The following MPZL3 variants were observed in gnomAD, a reference collection of about 807,000 sequenced individuals.
The protein encoded by MPZL3 is myelin protein zero like 3.
MPZL3 carries 23 observed loss-of-function variants against 24.8 expected under a neutral mutation model. That is an observed-to-expected ratio of 0.93 (90% CI 0.67 to 1.31). The LOEUF is 1.31. MPZL3 is among the 40% of genes most tolerant of loss of function. MPZL3 has a pLI of 0.00. For synonymous variants in MPZL3, 99 were observed against 106.5 expected (o/e 0.93, Z 0.44); for missense variants, 277 against 294.9 (o/e 0.94, Z 0.44).
At position 118,229,417 on chromosome 11, in the gene MPZL3, A is replaced by C. The variant is rs1208779969; in HGVS notation, c.*477T>G. The C allele has an allele frequency of 6.3e-6, 1 of 157,946 alleles. No homozygotes were observed. The highest frequency in any genetic ancestry group is 1.9e-4 in the East Asian group (1 of 5,346). The allele number at this position is 157,946 out of a possible 1,614,324, so 9.8% of individuals were successfully genotyped here. On this transcript the variant is annotated 3_prime_UTR_variant, in exon 6 of 6. Transcript: ENST00000278949. Reference sequence around the variant, plus strand: ...CGCCCTATACTAACTCACAGCTGAAAGTGTACATGGAGCAAAAAACAAAGA... The same window carrying C: ...CGCCCTATACTAACTCACAGCTGAACGTGTACATGGAGCAAAAAACAAAGA...
chr11:118,245,332 A>G (rs886187460), intron 1 of MPZL3, among the ~76,000 whole-genome samples: 1 of 152,228 alleles, frequency 6.6e-6, no homozygotes, highest in Non-Finnish European at 1.5e-5. Context: ...ATAGAGCAAG[A>G]CTTCATCTCT....
At chr11:118,241,701 C>T (rs747261099) in intron 1 of MPZL3, among the ~76,000 whole-genome samples, 2 of 152,206 alleles carry the variant, frequency 1.3e-5, no homozygotes, top group Non-Finnish European at 2.9e-5. Context: ...AGTTATGAGT[C>T]ATCAGTTCCA....
At chr11:118,242,595 C>T (rs2134710141) in intron 1 of MPZL3, among the ~76,000 whole-genome samples, 1 of 152,268 alleles carries the variant, frequency 6.6e-6, no homozygotes, top group Non-Finnish European at 1.5e-5. Context: ...CCTTTCATGC[C>T]ACTGAGCCTT....
intron 1 of MPZL3, among the ~76,000 whole-genome samples, chr11:118,251,118 T>TGTGTGTGTGTGA (rs1491135921): frequency 5.4e-5 from 7 of 129,710 alleles, no homozygotes; most frequent in African/African-American, 2.0e-4. Flanking sequence ...TGTGTGTGTG[T>TGTGTGTGTGTGA]GAAAGAGAGA....
At chr11:118,250,511 T>C (rs777803307) in intron 1 of MPZL3, among the ~76,000 whole-genome samples, 3 of 152,226 alleles carry the variant, frequency 2.0e-5, no homozygotes, top group Non-Finnish European at 2.9e-5. Flanking sequence ...CATTCAATTA[T>C]GCCCTTTAAG....
rs547001859 is a variant in MPZL3, at chr11:118,252,354, A to G, written c.-60T>C. 16 of 1,548,264 alleles carry G rather than the reference A, an allele frequency of 1.0e-5. No individual in the cohort carries two copies. In the Admixed American group the frequency reaches 1.7e-4, roughly 16 times the overall value. On this transcript the variant is annotated 5_prime_UTR_variant, in exon 1 of 6. Transcript: ENST00000278949. ...TACAGCTCCCGGTAACGACACAGGTAACACCGGAAGTGACGTCAGAGCAGG... is the reference window on the plus strand; with the variant it reads ...TACAGCTCCCGGTAACGACACAGGTGACACCGGAAGTGACGTCAGAGCAGG...
intron 1 of MPZL3, among the ~76,000 whole-genome samples, chr11:118,243,543 G>C (rs2853032): frequency 0.78 from 118,622 of 152,156 alleles, 46,812 homozygotes; most frequent in African/African-American, 0.9. Flanking sequence ...CCGAGGCAGG[G>C]GGATCACATG....
chr11:118,251,337 C>G (rs1715460), intron 1 of MPZL3, among the ~76,000 whole-genome samples: 118,323 of 151,490 alleles, frequency 0.78, 46,801 homozygotes, highest in African/African-American at 0.91. Context: ...TTATATTAAA[C>G]TATTTATATT....
At chr11:118,230,068 G>A (rs748520451) in intron 5 of MPZL3, 148 bp from the exon 6 acceptor site, 9 of 642,626 alleles carry the variant, frequency 1.4e-5, no homozygotes, top group South Asian at 2.0e-5. Context: ...AAATTCCCAC[G>A]GAGCTTCACA....
At position 118,240,393 on chromosome 11, in the gene MPZL3, CCAAA is replaced by C. The variant is rs1565494354; in HGVS notation, c.74-20_74-17del. Reference sequence around the variant, plus strand: ...ATATAAACACCTAATCAAAGCAAACCCAAACACTTAAAATGCATTCATGTGGGTG... The same window carrying C: ...ATATAAACACCTAATCAAAGCAAACCCACTTAAAATGCATTCATGTGGGTG... On this transcript the variant is annotated splice_polypyrimidine_tract_variant and intron_variant, in intron 1 of 5. Transcript: ENST00000278949. 1 of 1,594,464 alleles carries C rather than the reference CCAAA, an allele frequency of 6.3e-7. No homozygotes were observed. The highest frequency in any genetic ancestry group is 8.5e-7 in the Non-Finnish European group (1 of 1,173,084).
chr11:118,228,763 A>T lies in MPZL3; in HGVS notation c.*1131T>A, dbSNP rs1949306543. ...TCCTGAAATACTCCATAAGCCCCCC[A>T]CTAAAAACCTGTAAAGAGTTTTTCT... On this transcript the variant is annotated 3_prime_UTR_variant, in exon 6 of 6. Coordinates refer to ENST00000278949, the MANE Select transcript of MPZL3 (RefSeq NM_198275.3). 6.6e-6 allele frequency: 1 copy of T among 152,180 alleles called. No individual in the cohort carries two copies. Among genetic ancestry groups the T allele is most frequent in the African/African-American group, 2.4e-5 (1 of 41,430 alleles). The allele number at this position is 152,180 out of a possible 1,614,324, so 9.4% of individuals were successfully genotyped here.
intron 3 of MPZL3, 124 bp downstream of exon 3, chr11:118,236,926 T>C (rs1949432765): frequency 1.3e-6 from 1 of 740,786 alleles, no homozygotes; most frequent in Admixed American, 2.9e-5. Context: ...ATTACTTCGA[T>C]TCAATGATTT....
rs1050046772 is a variant in MPZL3 at position 118,226,814 on chromosome 11, G to A, written c.*3080C>T. The A allele has an allele frequency of 6.6e-6, 1 of 152,164 alleles. No individual in the cohort carries two copies. 9.4% of individuals were successfully genotyped at this position (152,164 alleles called of 1,614,324 possible). A position where few individuals can be genotyped will look rare whatever the true frequency, so the allele number is the denominator to read the frequency against. On this transcript the variant is annotated 3_prime_UTR_variant, in exon 6 of 6. Coordinates refer to ENST00000278949, the MANE Select transcript of MPZL3 (RefSeq NM_198275.3). Reference sequence around the variant, plus strand: ...AAAACAAAAACAAAAACAAAAAAAGGCAATGAGGTGCAGCAGTTAACAGCC... The same window carrying A: ...AAAACAAAAACAAAAACAAAAAAAGACAATGAGGTGCAGCAGTTAACAGCC...
chr11:118,230,059 A>C lies in MPZL3; in HGVS notation c.682-139T>G, dbSNP rs867475273. 7.5e-6 allele frequency: 5 copies of C among 669,792 alleles called. No homozygotes were observed. The Middle Eastern group carries it at 1.0e-3, about 135-fold the overall frequency. The allele number at this position is 669,792 out of a possible 1,614,324, so 41.5% of individuals were successfully genotyped here. A position where few individuals can be genotyped will look rare whatever the true frequency, so the allele number is the denominator to read the frequency against. ...AAATGCCACTGACTCAATACACCTA[A>C]ATTCCCACGGAGCTTCACAGGACCT... is the stretch of plus-strand genomic sequence containing the variant. On this transcript the variant is annotated intron_variant, in intron 5 of 5. Coordinates refer to ENST00000278949, the MANE Select transcript of MPZL3 (RefSeq NM_198275.3).
At chr11:118,251,665 T>C (rs1162860045) in intron 1 of MPZL3, among the ~76,000 whole-genome samples, 1 of 152,218 alleles carries the variant, frequency 6.6e-6, no homozygotes, top group African/African-American at 2.4e-5. Context: ...AAAAAAGTTA[T>C]GAAAATGCTA....
rs1187057455 is a variant in MPZL3, at chr11:118,228,321, C to T, written c.*1573G>A. The stretch of plus-strand genomic sequence containing the variant: ...GCTGTAATATGGAAACTTCCTGAAC[C>T]ACCTAATGAAAAATCATGAAAAGGG... On this transcript the variant is annotated 3_prime_UTR_variant, in exon 6 of 6. Transcript: ENST00000278949. 6.6e-6 allele frequency: 1 copy of T among 152,030 alleles called. No homozygotes were observed. The highest frequency in any genetic ancestry group is 1.5e-5 in the Non-Finnish European group (1 of 67,992). The allele number at this position is 152,030 out of a possible 1,614,324, so 9.4% of individuals were successfully genotyped here.
chr11:118,241,883 C>T (rs770351676), intron 1 of MPZL3, among the ~76,000 whole-genome samples: 6 of 152,208 alleles, frequency 3.9e-5, no homozygotes, highest in Non-Finnish European at 7.3e-5. Context: ...CTATGGCACC[C>T]TTTCCGACTT....
At chr11:118,240,090 A>G (rs1949473435) in intron 2 of MPZL3, 121 bp downstream of exon 2, 4 of 969,770 alleles carry the variant, frequency 4.1e-6, no homozygotes, top group African/African-American at 1.8e-5. Flanking sequence ...ATCTATCTCT[A>G]TTAAAGTAGA....
intron 4 of MPZL3, among the ~76,000 whole-genome samples, chr11:118,234,518 T>C (rs1715421): frequency 0.31 from 46,399 of 151,914 alleles, 9,091 homozygotes; most frequent in African/African-American, 0.56. Flanking sequence ...GAATGAAGTA[T>C]AGTATGTTAG....
Sources: allele counts gnomAD v4.1 joint callset (sites outside exome capture counted in the v4.1 genomes callset), GRCh38; gene constraint gnomAD v4.1.1; transcripts MANE v1.5; gene names NCBI Gene and HGNC (gene_info 2026-07-23, HGNC 2026-07-21).